The following LRRC40 variants were observed in gnomAD, a reference collection of about 807,000 sequenced individuals.
LRRC40 encodes the protein leucine rich repeat containing 40.
Under a neutral mutation model 72.8 loss-of-function variants are expected in LRRC40, and 76 were observed. That is an observed-to-expected ratio of 1.04 (90% CI 0.87 to 1.26). The LOEUF is 1.26. Among genes scored for constraint, LRRC40 ranks in the 50% most tolerant of loss-of-function variants. LRRC40 has a pLI of 0.00. For synonymous variants in LRRC40, 243 were observed against 254.2 expected (o/e 0.96, Z 0.42); for missense variants, 684 against 698.9 (o/e 0.98, Z 0.24).
chr1:70,181,172 C>A lies in LRRC40; in HGVS notation c.575G>T (p.Ser192Ile). 6.3e-7 allele frequency: 1 copy of A among 1,591,896 alleles called. No individual in the cohort carries two copies. The highest frequency in any genetic ancestry group is 8.5e-7 in the Non-Finnish European group (1 of 1,170,538). Residue 192 changes from serine (S) to isoleucine (I), a missense_variant, in exon 5 of 15, where the codon AGT (serine) becomes ATT (isoleucine). Coordinates refer to ENST00000370952, the MANE Select transcript of LRRC40 (RefSeq NM_017768.5). ...CACCAGACTGGACAGAGAAGAAAAA[C>A]TAGCAGGAACAGTTGTAAGATGATT... ...SNNHLTTVPA[S>I]FSSLSSLVRL...
In LRRC40 at chr1:70,179,039, T is replaced by C. The variant is rs1243734214; in HGVS notation, c.662-46A>G. 5.6e-6 allele frequency: 7 copies of C among 1,259,436 alleles called. No individual in the cohort carries two copies. In the Admixed American group the frequency reaches 1.2e-4, roughly 22 times the overall value. 78.0% of individuals were successfully genotyped at this position (1,259,436 alleles called of 1,614,324 possible). A position where few individuals can be genotyped will look rare whatever the true frequency, so the allele number is the denominator to read the frequency against. On this transcript the variant is annotated intron_variant, in intron 5 of 14. Coordinates refer to ENST00000370952, the MANE Select transcript of LRRC40 (RefSeq NM_017768.5). ...AAAACAAAAATAGAGAAAAAAAAAT[T>C]AGTTTCTGATCGTATACAACTTTAA...
intron 9 of LRRC40, among the ~76,000 whole-genome samples, chr1:70,163,702 G>A (rs1667815196): frequency 6.6e-6 from 1 of 152,124 alleles, no homozygotes; most frequent in Non-Finnish European, 1.5e-5. Context: ...ATCATTGAAG[G>A]GTCATTATTA....
In LRRC40 at chr1:70,159,342, AT is replaced by A; in HGVS notation, c.1207del (p.Ile403TyrfsTer2). On this transcript the variant is annotated frameshift_variant, in exon 10 of 15. Transcript: ENST00000370952. LOFTEE classifies it high-confidence loss of function. ...ATAAATTACATACCTATAGTCTAATATTTTTAATGTAATGATGGCATGTATA... is the reference window on the plus strand; with the variant it reads ...ATAAATTACATACCTATAGTCTAATATTTTAATGTAATGATGGCATGTATA... ...VNIHAIITLKILDYSDKQATL... is the reference protein window; with the variant it reads ...VNIHAIITLKXLDYSDKQATL... 6.9e-7 allele frequency: 1 copy of A among 1,451,256 alleles called. No homozygotes were observed. The highest frequency in any genetic ancestry group is 1.2e-5 in the South Asian group (1 of 81,586). The allele number at this position is 1,451,256 out of a possible 1,614,324, so 89.9% of individuals were successfully genotyped here.
chr1:70,167,039 G>C (rs1431380130), intron 9 of LRRC40, among the ~76,000 whole-genome samples: 1 of 152,106 alleles, frequency 6.6e-6, no homozygotes, highest in Non-Finnish European at 1.5e-5. Context: ...CTCAGTAAAA[G>C]ATTCTACTGA....
intron 6 of LRRC40, among the ~76,000 whole-genome samples, chr1:70,177,568 A>C (rs566106603): frequency 1.2e-4 from 19 of 152,184 alleles, no homozygotes; most frequent in African/African-American, 4.6e-4. Flanking sequence ...AAATAACATC[A>C]TGGGACTAAT....
chr1:70,163,142 C>T (rs1230398923), intron 9 of LRRC40, among the ~76,000 whole-genome samples: 1 of 150,414 alleles, frequency 6.6e-6, no homozygotes. Context: ...GTGGCACCAT[C>T]TTGGCTCACT....
At position 70,145,771 on chromosome 1, in the gene LRRC40, C is replaced by A; in HGVS notation, c.*29G>T. 1 of 1,159,756 alleles carries A rather than the reference C, an allele frequency of 8.6e-7. No homozygotes were observed. The highest frequency in any genetic ancestry group is 1.3e-5 in the South Asian group (1 of 79,602). 71.8% of individuals were successfully genotyped at this position (1,159,756 alleles called of 1,614,324 possible). On this transcript the variant is annotated 3_prime_UTR_variant, in exon 15 of 15. Transcript: ENST00000370952. ...TTAGAATTAACCAGGGTTAATAATA[C>A]ATGACAAGGGTTATAAAGCAACTCC...
intron 1 of LRRC40, among the ~76,000 whole-genome samples, chr1:70,198,693 G>T (rs373627922): frequency 6.6e-6 from 1 of 151,948 alleles, no homozygotes; most frequent in Non-Finnish European, 1.5e-5. Flanking sequence ...TAAAAATTGC[G>T]AACAAAATTT....
At chr1:70,203,263 T>G (rs1301303862) in intron 1 of LRRC40, among the ~76,000 whole-genome samples, 6 of 152,238 alleles carry the variant, frequency 3.9e-5, no homozygotes, top group Non-Finnish European at 8.8e-5. Context: ...GACTTTTGTA[T>G]GCTGTGCTAA....
intron 2 of LRRC40, among the ~76,000 whole-genome samples, chr1:70,188,339 A>T (rs1376893707): frequency 6.6e-6 from 1 of 152,280 alleles, no homozygotes; most frequent in East Asian, 1.9e-4. Flanking sequence ...CCTGAATAAA[A>T]ACACAAAAAA....
At chr1:70,164,149 G>A (rs1045741319) in intron 9 of LRRC40, among the ~76,000 whole-genome samples, 2 of 151,966 alleles carry the variant, frequency 1.3e-5, no homozygotes, top group Admixed American at 6.6e-5. Flanking sequence ...CCAGCACTTT[G>A]GGAGGCCGAG....
intron 1 of LRRC40, among the ~76,000 whole-genome samples, chr1:70,200,741 A>G (rs1240994542): frequency 6.6e-6 from 1 of 152,226 alleles, no homozygotes; most frequent in African/African-American, 2.4e-5. Context: ...TCCCTATAGC[A>G]TACAAAATAG....
At chr1:70,190,335 G>T (rs2100332903) in intron 1 of LRRC40, among the ~76,000 whole-genome samples, 1 of 152,020 alleles carries the variant, frequency 6.6e-6, no homozygotes, top group South Asian at 2.1e-4. Flanking sequence ...GATAAAATGG[G>T]GTTACAGAAG....
At chr1:70,202,816 C>T (rs1461656421) in intron 1 of LRRC40, among the ~76,000 whole-genome samples, 1 of 152,134 alleles carries the variant, frequency 6.6e-6, no homozygotes, top group Admixed American at 6.6e-5. Flanking sequence ...GTACCATCTG[C>T]TCAACTTTCA....
At chr1:70,164,091 A>T (rs1418973654) in intron 9 of LRRC40, among the ~76,000 whole-genome samples, 1 of 152,126 alleles carries the variant, frequency 6.6e-6, no homozygotes, top group Admixed American at 6.5e-5. Context: ...TTTTTTTATA[A>T]GAGTGCCAAT....
intron 3 of LRRC40, among the ~76,000 whole-genome samples, chr1:70,186,151 T>G (rs115928642): frequency 2.6e-5 from 4 of 152,202 alleles, no homozygotes; most frequent in African/African-American, 9.6e-5. Context: ...GGGAGAGAGA[T>G]AATTTTAGCT....
At chr1:70,200,813 A>C (rs77902159) in intron 1 of LRRC40, among the ~76,000 whole-genome samples, 11,959 of 152,252 alleles carry the variant, frequency 0.079, 531 homozygotes, top group South Asian at 0.19. Flanking sequence ...GAGAGAGAGA[A>C]AAAAAGAGAG....
intron 11 of LRRC40, among the ~76,000 whole-genome samples, chr1:70,152,861 T>G (rs1667539470): frequency 6.6e-6 from 1 of 152,082 alleles, no homozygotes; most frequent in Non-Finnish European, 1.5e-5. Flanking sequence ...CCTAGAAAAT[T>G]TTTATACTTT....
chr1:70,187,979 G>T (rs1238797209), intron 2 of LRRC40, among the ~76,000 whole-genome samples: 1 of 152,146 alleles, frequency 6.6e-6, no homozygotes, highest in Non-Finnish European at 1.5e-5. Flanking sequence ...TTTCAAAGAA[G>T]AGATGAGGGG....
Sources: gnomAD v4.1 joint callset for allele counts (sites outside exome capture counted in the v4.1 genomes callset) on GRCh38, gnomAD v4.1.1 for gene constraint, MANE v1.5 for transcripts, NCBI Gene and HGNC (gene_info 2026-07-23, HGNC 2026-07-21) for gene names.